AK9: variants seen among roughly 807,000 people sequenced by gnomAD.
AK9 encodes adenylate kinase domain containing 1.
A neutral mutation model predicts 239.6 loss-of-function variants in AK9; 191 were observed. The observed-to-expected ratio is 0.80, with a 90% confidence interval of 0.71 to 0.90. The LOEUF is 0.90. AK9 is among the 40% of genes least tolerant of loss of function. The pLI is 0.00. For missense variants in AK9, 1,995 were observed against 2,214.7 expected (o/e 0.90, Z 1.99); for synonymous variants, 689 against 721.0 (o/e 0.96, Z 0.71).
Position 109,672,096 on chromosome 6 carries a change from G to C in AK9, c.234+19C>G, listed in dbSNP as rs1770999918. 6.2e-7 allele frequency: 1 copy of C among 1,613,052 alleles called. No homozygotes were observed. The highest frequency in any genetic ancestry group is 8.5e-7 in the Non-Finnish European group (1 of 1,179,484). The stretch of plus-strand genomic sequence containing the variant: ...CTTTTTTTGTAATCATAGTTACTTT[G>C]AAATTTAGGTTTGTTTACCATAACT... On this transcript the variant is annotated intron_variant, in intron 4 of 40. Coordinates refer to ENST00000424296, the MANE Select transcript of AK9 (RefSeq NM_001145128.3).
chr6:109,605,964 G>A (rs1465362727), intron 17 of AK9, among the ~76,000 whole-genome samples: 2 of 152,170 alleles, frequency 1.3e-5, no homozygotes, highest in Non-Finnish European at 2.9e-5. Context: ...TGCCTGTTGG[G>A]AGAGTGGTGA....
intron 17 of AK9, among the ~76,000 whole-genome samples, chr6:109,602,038 G>A (rs373238937): frequency 1.3e-5 from 2 of 152,030 alleles, no homozygotes; most frequent in Non-Finnish European, 2.9e-5. Flanking sequence ...CAATTTGCCA[G>A]TCTGTGTCTT....
In AK9 at chr6:109,564,182, G is replaced by A; in HGVS notation, c.2533C>T (p.Leu845=). ...IGSFIILWKQ[L]EATISEAYIK... The stretch of plus-strand genomic sequence containing the variant: ...TAAGCCTCACTAATTGTTGCTTCTA[G>A]CTGTTTCCAGAGGATGATGAAAGAA... Residue 845 remains leucine (L), a synonymous_variant, in exon 23 of 41, where the codon CTA becomes TTA. Transcript: ENST00000424296. 5 of 1,551,304 alleles carry A rather than the reference G, an allele frequency of 3.2e-6. No homozygotes were observed. The highest frequency in any genetic ancestry group is 4.4e-6 in the Non-Finnish European group (5 of 1,146,816).
chr6:109,670,934 T>A (rs1770785705), intron 5 of AK9, among the ~76,000 whole-genome samples: 1 of 152,086 alleles, frequency 6.6e-6, no homozygotes, highest in Admixed American at 6.6e-5. Flanking sequence ...ATAATGTATT[T>A]ATAATCCATA....
At chr6:109,535,993 GT>G (rs1781932315) in intron 27 of AK9, among the ~76,000 whole-genome samples, 1 of 152,180 alleles carries the variant, frequency 6.6e-6, no homozygotes, top group Non-Finnish European at 1.5e-5. Context: ...GTACCATGTT[GT>G]TTTGGTTACT....
intron 5 of AK9, among the ~76,000 whole-genome samples, chr6:109,665,894 C>G (rs546542645): frequency 8.5e-5 from 13 of 152,312 alleles, no homozygotes; most frequent in Non-Finnish European, 1.6e-4. Flanking sequence ...TTGCCAAAAC[C>G]TTCCTGTTCC....
In AK9 at chr6:109,514,121, T is replaced by C; in HGVS notation, c.4279+103A>G. On this transcript the variant is annotated intron_variant, in intron 32 of 40. Transcript: ENST00000424296. The stretch of plus-strand genomic sequence containing the variant: ...CAGCCACCCTACGATTAAATGTCTT[T>C]TTCTGCTGCAACCCAGTGTCTTGGT... 2.7e-6 allele frequency: 3 copies of C among 1,123,572 alleles called. No individual in the cohort carries two copies. In the Admixed American group the frequency reaches 8.4e-5, roughly 31 times the overall value. The allele number at this position is 1,123,572 out of a possible 1,614,324, so 69.6% of individuals were successfully genotyped here.
intron 1 of AK9, among the ~76,000 whole-genome samples, chr6:109,680,531 T>G (rs1225691969): frequency 1.3e-5 from 2 of 152,174 alleles, no homozygotes; most frequent in East Asian, 3.9e-4. Context: ...AAAACACTCT[T>G]CAGTACATTA....
chr6:109,662,646 T>C lies in AK9; in HGVS notation c.349A>G (p.Ile117Val). 6.4e-7 allele frequency: 1 copy of C among 1,568,584 alleles called. No individual in the cohort carries two copies. Among genetic ancestry groups the C allele is most frequent in the Non-Finnish European group, 8.6e-7 (1 of 1,156,626 alleles). The change falls in exon 6 of 41, where the codon ATA becomes GTA. Residue 117 changes from isoleucine to valine, a missense_variant. Transcript: ENST00000424296. Reference protein sequence around the residue: ...VCHFGYIITEIPSLSQDAMTT... With the variant: ...VCHFGYIITEVPSLSQDAMTT... ...ATGGCATCCTGTGAAAGTGATGGTATTTCAGTGATAATATAACCTGTAAAG... is the reference window on the plus strand; with the variant it reads ...ATGGCATCCTGTGAAAGTGATGGTACTTCAGTGATAATATAACCTGTAAAG...
intron 12 of AK9, among the ~76,000 whole-genome samples, chr6:109,624,825 A>T (rs1232959191): frequency 1.3e-5 from 2 of 152,112 alleles, no homozygotes; most frequent in African/African-American, 2.4e-5. Flanking sequence ...AAGAATTCCT[A>T]TATGGAAAAT....
intron 38 of AK9, 103 bp downstream of exon 38, chr6:109,497,361 CA>C: frequency 3.2e-6 from 2 of 626,480 alleles, no homozygotes; most frequent in Non-Finnish European, 5.7e-6. Context: ...CACACACACA[CA>C]CTCTCTCTCT....
intron 29 of AK9, among the ~76,000 whole-genome samples, chr6:109,525,818 G>A (rs1164152813): frequency 6.6e-6 from 1 of 152,070 alleles, no homozygotes; most frequent in Non-Finnish European, 1.5e-5. Flanking sequence ...AATAGAAATC[G>A]TTCTACTAAA....
intron 17 of AK9, among the ~76,000 whole-genome samples, chr6:109,590,655 T>C (rs1455589965): frequency 6.6e-6 from 1 of 152,194 alleles, no homozygotes; most frequent in Non-Finnish European, 1.5e-5. Context: ...ATGTAGGCTG[T>C]TAACACTATA....
rs541060682 is a variant in AK9 at position 109,507,815 on chromosome 6, A to C, written c.4482-1015T>G. Among the ~76,000 whole-genome samples, 3 of 152,080 alleles carry C rather than the reference A, an allele frequency of 2.0e-5. No individual in the cohort carries two copies. In the East Asian group the frequency reaches 5.8e-4, roughly 29 times the overall value. On this transcript the variant is annotated intron_variant, in intron 33 of 40. Coordinates refer to ENST00000424296, the MANE Select transcript of AK9 (RefSeq NM_001145128.3). ...GCTTAATAGTCAGACAAGATTGAAA[A>C]CCTAACTTAGGAGTATGTGCCTGTA...
intron 36 of AK9, 151 bp downstream of exon 36, chr6:109,498,893 G>T: frequency 1.7e-6 from 1 of 573,118 alleles, no homozygotes; most frequent in Non-Finnish European, 2.9e-6. Flanking sequence ...GGAACTCACT[G>T]CTGAGTTGCT....
In AK9 at chr6:109,662,576, T is replaced by TATAA; in HGVS notation, c.418_419insTTAT (p.Lys140IlefsTer4). 6.4e-7 allele frequency: 1 copy of TATAA among 1,573,882 alleles called. No individual in the cohort carries two copies. On this transcript the variant is annotated frameshift_variant, in exon 6 of 41. Transcript: ENST00000424296. LOFTEE classifies it high-confidence loss of function. The stretch of plus-strand genomic sequence containing the variant: ...CTTTATATTGATTATAACATCAGGT[T>TATAA]TCAGGTTTAAGTTTTTAATTAATTC...
chr6:109,646,777 C>A (rs1057355024), intron 8 of AK9, among the ~76,000 whole-genome samples: 4 of 152,102 alleles, frequency 2.6e-5, no homozygotes, highest in African/African-American at 9.7e-5. Flanking sequence ...AACCCCAAGA[C>A]ACATAATTGT....
intron 8 of AK9, among the ~76,000 whole-genome samples, chr6:109,654,319 T>G (rs981893316): frequency 2.6e-5 from 4 of 151,834 alleles, no homozygotes; most frequent in Non-Finnish European, 5.9e-5. Flanking sequence ...TCACATCGCA[T>G]TGTTTTATAT....
chr6:109,509,051 G>T, intron 33 of AK9, 128 bp downstream of exon 33: 1 of 1,027,586 alleles, frequency 9.7e-7, no homozygotes, highest in Non-Finnish European at 1.4e-6. Context: ...GGTGCCCAGA[G>T]TTTGAGAGAA....
Sources: allele counts gnomAD v4.1 joint callset (sites outside exome capture counted in the v4.1 genomes callset), GRCh38; gene constraint gnomAD v4.1.1; transcripts MANE v1.5; gene names NCBI Gene and HGNC (gene_info 2026-07-23, HGNC 2026-07-21).